ATXN10: variants seen among roughly 807,000 people sequenced by gnomAD.
ATXN10 encodes ataxin 10.
A neutral mutation model predicts 52.9 loss-of-function variants in ATXN10; 28 were observed. The ratio of observed to expected loss-of-function variants is 0.53; its 90% CI spans 0.39 to 0.73. The LOEUF (loss-of-function observed/expected upper bound fraction) is 0.73, where lower values mean the gene tolerates loss of function less well. ATXN10 is among the 30% of genes least tolerant of loss of function. The pLI is 0.00. For missense variants in ATXN10, 565 were observed against 577.0 expected (o/e 0.98, Z 0.21); for synonymous variants, 226 against 221.5 (o/e 1.02, Z -0.18).
intron 3 of ATXN10, among the ~76,000 whole-genome samples, chr22:45,698,008 TC>T (rs1853638331): frequency 6.6e-6 from 1 of 152,248 alleles, no homozygotes. Context: ...GGAATAATAC[TC>T]CGTTGTTTTG....
intron 9 of ATXN10, among the ~76,000 whole-genome samples, chr22:45,798,881 C>T (rs1432818597): frequency 1.3e-5 from 2 of 152,260 alleles, no homozygotes; most frequent in East Asian, 1.9e-4. Context: ...CATACAATAG[C>T]ATCATAAAAC....
chr22:45,691,981 G>A (rs1249750901), intron 2 of ATXN10, among the ~76,000 whole-genome samples: 1 of 152,214 alleles, frequency 6.6e-6, no homozygotes, highest in Non-Finnish European at 1.5e-5. Flanking sequence ...CCCTGGACAG[G>A]TGACTTGGTC....
intron 9 of ATXN10, among the ~76,000 whole-genome samples, chr22:45,748,302 C>CT (rs1359284460): frequency 1.3e-5 from 2 of 152,184 alleles, no homozygotes; most frequent in Middle Eastern, 3.2e-3. Context: ...ATTCCAGTGT[C>CT]TCCCCATTAT....
chr22:45,718,820 G>A lies in ATXN10; in HGVS notation c.728+327G>A, dbSNP rs573265544. Among the ~76,000 whole-genome samples, 1 of 152,232 alleles carries A rather than the reference G, an allele frequency of 6.6e-6. No individual in the cohort carries two copies. Among genetic ancestry groups the A allele is most frequent in the Admixed American group, 6.5e-5 (1 of 15,280 alleles). On this transcript the variant is annotated intron_variant, in intron 6 of 11. Coordinates refer to ENST00000252934, the MANE Select transcript of ATXN10 (RefSeq NM_013236.4). This position sits in a 1 kb window ranked among gnomAD's most constrained non-coding sequence, Gnocchi z 4.4. ...TGTATTACAGTTGAATATTTGAGGTGTACTCATTTGTTTAGGTCATGGGTG... is the reference window on the plus strand; with the variant it reads ...TGTATTACAGTTGAATATTTGAGGTATACTCATTTGTTTAGGTCATGGGTG...
rs1458884890 is a variant in ATXN10, at chr22:45,759,489, G to A, written c.1173+18951G>A. Among the ~76,000 whole-genome samples, 1 of 152,196 alleles carries A rather than the reference G, an allele frequency of 6.6e-6. No individual in the cohort carries two copies. The highest frequency in any genetic ancestry group is 1.5e-5 in the Non-Finnish European group (1 of 68,030). ...ATAGCATCACTGCACTCCAGCCTGGGCAGAGCAAGACTCCGTGTCAAACAA... is the reference window on the plus strand; with the variant it reads ...ATAGCATCACTGCACTCCAGCCTGGACAGAGCAAGACTCCGTGTCAAACAA... On this transcript the variant is annotated intron_variant, in intron 9 of 11. Coordinates refer to ENST00000252934, the MANE Select transcript of ATXN10 (RefSeq NM_013236.4). The surrounding 1 kb of genome is among the most constrained non-coding windows in gnomAD (Gnocchi z 5.4).
Position 45,831,754 on chromosome 22 carries a change from C to T in ATXN10, c.1238-11237C>T, listed in dbSNP as rs530788333. ...CCCACAAGGCCCAAGAACATAATCA[C>T]TTTTCTGTACTATCGTTTGACATAT... On this transcript the variant is annotated intron_variant, in intron 10 of 11. Transcript: ENST00000252934. 2.2e-4 allele frequency among the ~76,000 whole-genome samples: 34 copies of T among 152,272 alleles called. No homozygotes were observed. In the South Asian group the frequency reaches 7.1e-3, roughly 32 times the overall value.
At chr22:45,679,098 G>GTATT (rs1922814474) in intron 1 of ATXN10, 1 of 152,044 alleles carries the variant, frequency 6.6e-6, no homozygotes, top group Admixed American at 6.5e-5. Flanking sequence ...CTTTTGCCCT[G>GTATT]TATTCCCTTG....
rs9626443 is a variant in ATXN10, at chr22:45,781,227, C to A, written c.1174-25732C>A. 6.6e-6 allele frequency among the ~76,000 whole-genome samples: 1 copy of A among 152,142 alleles called. No homozygotes were observed. Among genetic ancestry groups the A allele is most frequent in the African/African-American group, 2.4e-5 (1 of 41,414 alleles). On this transcript the variant is annotated intron_variant, in intron 9 of 11. Transcript: ENST00000252934. The surrounding 1 kb of genome is among the most constrained non-coding windows in gnomAD (Gnocchi z 4.2). ...TGGTTATAATGAGGCACCCCTCACC[C>A]CTGCTAGGTGGTGTCAGAGAAGATG...
intron 7 of ATXN10, among the ~76,000 whole-genome samples, chr22:45,735,324 C>T (rs983006360): frequency 4.6e-5 from 7 of 151,218 alleles, no homozygotes; most frequent in Non-Finnish European, 7.4e-5. Flanking sequence ...GACAGGGTCT[C>T]GCCCTGTTCC....
chr22:45,687,666 A>G (rs1478093854), intron 1 of ATXN10, among the ~76,000 whole-genome samples: 1 of 152,196 alleles, frequency 6.6e-6, no homozygotes, highest in Non-Finnish European at 1.5e-5. Flanking sequence ...AGAAATTGTG[A>G]TCAGCCTTAG....
chr22:45,772,424 G>A lies in ATXN10; in HGVS notation c.1173+31886G>A, dbSNP rs1025434794. Among the ~76,000 whole-genome samples the A allele has an allele frequency of 6.6e-6, 1 of 152,066 alleles. No individual in the cohort carries two copies. Among genetic ancestry groups the A allele is most frequent in the Admixed American group, 6.6e-5 (1 of 15,266 alleles). Reference sequence around the variant, plus strand: ...TGTTTCCAGATATGCTATTTTGTTCGTCGATATTTGTGCCTGTCTCTTCAC... The same window carrying A: ...TGTTTCCAGATATGCTATTTTGTTCATCGATATTTGTGCCTGTCTCTTCAC... On this transcript the variant is annotated intron_variant, in intron 9 of 11. Transcript: ENST00000252934. The surrounding 1 kb of genome is among the most constrained non-coding windows in gnomAD (Gnocchi z 4.1).
At position 45,787,306 on chromosome 22, in the gene ATXN10, A is replaced by G. The variant is rs1297824753; in HGVS notation, c.1174-19653A>G. ...TGGGCTGCAGTGAGATTTGAGGGTG[A>G]CGATCCTCTAGCTGAAATGGACTCT... On this transcript the variant is annotated intron_variant, in intron 9 of 11. Coordinates refer to ENST00000252934, the MANE Select transcript of ATXN10 (RefSeq NM_013236.4). This position sits in a 1 kb window ranked among gnomAD's most constrained non-coding sequence, Gnocchi z 4.2. 6.6e-6 allele frequency among the ~76,000 whole-genome samples: 1 copy of G among 152,148 alleles called. No homozygotes were observed. Among genetic ancestry groups the G allele is most frequent in the East Asian group, 1.9e-4 (1 of 5,184 alleles).
rs578020610 is a variant in ATXN10, at chr22:45,683,942, C to T, written c.117-5770C>T. On this transcript the variant is annotated intron_variant, in intron 1 of 11. Transcript: ENST00000252934. The surrounding 1 kb of genome is among the most constrained non-coding windows in gnomAD (Gnocchi z 4.8). ...TTTCACCTTTTCTTAGCTTCTCTTT[C>T]ATTTTCTTCTCTTTTCATGTTTTCT... 2.4e-4 allele frequency among the ~76,000 whole-genome samples: 36 copies of T among 152,132 alleles called. No individual in the cohort carries two copies. Among genetic ancestry groups the T allele is most frequent in the African/African-American group, 8.2e-4 (34 of 41,506 alleles).
chr22:45,770,773 G>C lies in ATXN10; in HGVS notation c.1173+30235G>C, dbSNP rs135984. 0.93 allele frequency among the ~76,000 whole-genome samples: 141,425 copies of C among 152,346 alleles called. 65,806 individuals are homozygous for C. Among genetic ancestry groups the C allele is most frequent in the East Asian group, 1 (5,181 of 5,186 alleles). On this transcript the variant is annotated intron_variant, in intron 9 of 11. Transcript: ENST00000252934. The surrounding 1 kb of genome is among the most constrained non-coding windows in gnomAD (Gnocchi z 4.5). ...GGAGCTAAGGGCAGGATCCAGCCAC[G>C]TCACATTCTCCATGCCTTGCTGGGA...
chr22:45,810,295 G>T (rs1458752054), intron 10 of ATXN10, among the ~76,000 whole-genome samples: 3 of 152,174 alleles, frequency 2.0e-5, no homozygotes, highest in Non-Finnish European at 4.4e-5. Context: ...CAGTATGATG[G>T]TCTTAATTAC....
At chr22:45,751,706 T>G (rs1213819016) in intron 9 of ATXN10, among the ~76,000 whole-genome samples, 1 of 144,756 alleles carries the variant, frequency 6.9e-6, no homozygotes, top group African/African-American at 2.6e-5. Context: ...GTGCTCTTAT[T>G]TCAAATGTTG....
intron 10 of ATXN10, among the ~76,000 whole-genome samples, chr22:45,834,004 C>T (rs1306919899): frequency 6.6e-6 from 1 of 152,232 alleles, no homozygotes; most frequent in African/African-American, 2.4e-5. Flanking sequence ...TAGTAACGAA[C>T]ATCTACCGCA....
intron 10 of ATXN10, among the ~76,000 whole-genome samples, chr22:45,813,329 G>GT (rs200341118): frequency 1.0e-4 from 15 of 146,204 alleles, no homozygotes; most frequent in African/African-American, 3.9e-4. Context: ...CTTGATGTGG[G>GT]TTTGTTTTTT....
At chr22:45,785,168 C>G (rs1474919250) in intron 9 of ATXN10, among the ~76,000 whole-genome samples, 1 of 152,220 alleles carries the variant, frequency 6.6e-6, no homozygotes, top group East Asian at 1.9e-4. Flanking sequence ...GGTATTGTTG[C>G]TCTCTCAAGT....
Sources: gnomAD v4.1 joint callset for allele counts (sites outside exome capture counted in the v4.1 genomes callset) on GRCh38, gnomAD v4.1.1 for gene constraint, Gnocchi (gnomAD v3.1) non-coding constraint, MANE v1.5 for transcripts, NCBI Gene and HGNC (gene_info 2026-07-23, HGNC 2026-07-21) for gene names.